The following RIT2 variants were observed in gnomAD, a reference collection of about 807,000 sequenced individuals.
The protein encoded by RIT2 is GTP-binding protein Rit2.
Under a neutral mutation model 23.7 loss-of-function variants are expected in RIT2, and 24 were observed. The ratio of observed to expected loss-of-function variants is 1.01; its 90% CI spans 0.73 to 1.43. The LOEUF is 1.43. Ranked by LOEUF, RIT2 falls within the 40% of genes most tolerant of loss-of-function variation. The probability of loss-of-function intolerance (pLI) is 0.00; values close to 1 mark genes in which losing one functional copy is unlikely to be tolerated. For missense variants in RIT2, 236 were observed against 266.9 expected, an observed-to-expected ratio of 0.88 and a Z score of 0.81; for synonymous variants, 107 against 91.1, an observed-to-expected ratio of 1.17 and a Z score of -0.99.
intron 3 of RIT2, among the ~76,000 whole-genome samples, chr18:42,955,277 C>A (rs1011974562): frequency 2.0e-5 from 3 of 152,108 alleles, no homozygotes; most frequent in African/African-American, 4.8e-5. Flanking sequence ...AGAGCAGACA[C>A]CAGAGAGTCC....
At chr18:42,969,817 TTA>T (rs1352963046) in intron 3 of RIT2, among the ~76,000 whole-genome samples, 1 of 152,122 alleles carries the variant, frequency 6.6e-6, no homozygotes, top group African/African-American at 2.4e-5. Context: ...TTAAAATACT[TTA>T]TCTTTAATTT....
At chr18:42,792,207 T>G (rs530656617) in intron 4 of RIT2, among the ~76,000 whole-genome samples, 12 of 152,296 alleles carry the variant, frequency 7.9e-5, no homozygotes, top group Admixed American at 7.8e-4. Context: ...CTCAATGAAT[T>G]TATCTCCCCC....
chr18:43,057,102 TG>T (rs1912521612), intron 1 of RIT2, among the ~76,000 whole-genome samples: 1 of 151,670 alleles, frequency 6.6e-6, no homozygotes, highest in Non-Finnish European at 1.5e-5. Flanking sequence ...GGAGACTGTT[TG>T]TAGATATAGA....
At chr18:43,028,313 A>G (rs1245247659) in intron 2 of RIT2, among the ~76,000 whole-genome samples, 1 of 152,048 alleles carries the variant, frequency 6.6e-6, no homozygotes, top group Admixed American at 6.6e-5. Flanking sequence ...CTTGTTATGT[A>G]AAGAGCAGAA....
chr18:42,995,343 C>T (rs1268642557), intron 2 of RIT2, among the ~76,000 whole-genome samples: 1 of 152,008 alleles, frequency 6.6e-6, no homozygotes, highest in Non-Finnish European at 1.5e-5. Flanking sequence ...TAGCTTTACT[C>T]AACATGCCCT....
intron 4 of RIT2, among the ~76,000 whole-genome samples, chr18:42,915,540 A>G (rs1598712938): frequency 6.6e-6 from 1 of 152,166 alleles, no homozygotes; most frequent in South Asian, 2.1e-4. Flanking sequence ...TCAATTTTAC[A>G]AATGCAGTCA....
In RIT2 at chr18:43,115,641, T is replaced by C. The variant is rs1568086845; in HGVS notation, c.-122A>G. 1 of 1,372,986 alleles carries C rather than the reference T, an allele frequency of 7.3e-7. No homozygotes were observed. The highest frequency in any genetic ancestry group is 2.7e-5 in the East Asian group (1 of 36,598). The allele number at this position is 1,372,986 out of a possible 1,614,324, so 85.1% of individuals were successfully genotyped here. ...AGGTTTTAGTACGAGGTAAGAACCATCAGCGTCGGGCTGGCTGCTGGTCCT... is the reference window on the plus strand; with the variant it reads ...AGGTTTTAGTACGAGGTAAGAACCACCAGCGTCGGGCTGGCTGCTGGTCCT... On this transcript the variant is annotated 5_prime_UTR_variant, in exon 1 of 5. It removes an upstream start codon present in the reference 5' UTR. Coordinates refer to ENST00000326695, the MANE Select transcript of RIT2 (RefSeq NM_002930.4).
chr18:42,774,662 C>T (rs1251222522), intron 4 of RIT2, among the ~76,000 whole-genome samples: 1 of 150,162 alleles, frequency 6.7e-6, no homozygotes, highest in East Asian at 2.0e-4. Flanking sequence ...TAATTTGACA[C>T]CATGGAGAGA....
intron 2 of RIT2, among the ~76,000 whole-genome samples, chr18:43,032,876 A>ATC (rs1048544391): frequency 2.0e-5 from 3 of 152,248 alleles, no homozygotes; most frequent in African/African-American, 7.2e-5. Context: ...ATCAAGTAGG[A>ATC]TCTTGAATTA....
intron 1 of RIT2, among the ~76,000 whole-genome samples, chr18:43,113,405 T>C (rs1913997114): frequency 6.6e-6 from 1 of 152,186 alleles, no homozygotes; most frequent in Non-Finnish European, 1.5e-5. Flanking sequence ...AATGAGCTGG[T>C]CATTCCTGTC....
At chr18:43,057,815 T>A (rs1000177919) in intron 1 of RIT2, among the ~76,000 whole-genome samples, 3 of 150,542 alleles carry the variant, frequency 2.0e-5, no homozygotes, top group South Asian at 2.1e-4. Flanking sequence ...TTTTTTTTTT[T>A]ATCATCTAAG....
At chr18:42,882,382 G>A (rs543079862) in intron 4 of RIT2, among the ~76,000 whole-genome samples, 1 of 152,142 alleles carries the variant, frequency 6.6e-6, no homozygotes, top group Non-Finnish European at 1.5e-5. Context: ...TTAAAAATAA[G>A]TCATCCTTGT....
intron 1 of RIT2, among the ~76,000 whole-genome samples, chr18:43,095,208 T>G (rs544088166): frequency 2.6e-5 from 4 of 152,116 alleles, no homozygotes; most frequent in African/African-American, 9.6e-5. Flanking sequence ...TTTCTCCACA[T>G]CCTCTACAGC....
chr18:42,759,889 C>T (rs529770923), intron 4 of RIT2, among the ~76,000 whole-genome samples: 113 of 151,934 alleles, frequency 7.4e-4, no homozygotes, highest in Admixed American at 2.6e-3. Flanking sequence ...ATGATTCTCC[C>T]GCCTCAGCTT....
chr18:42,907,720 C>A (rs1676666447), intron 4 of RIT2, among the ~76,000 whole-genome samples: 2 of 150,382 alleles, frequency 1.3e-5, no homozygotes, highest in Non-Finnish European at 3.0e-5. Context: ...GTGGCTCATG[C>A]CTGAAATTCC....
At position 42,910,796 on chromosome 18, in the gene RIT2, C is replaced by T. The variant is rs77564030; in HGVS notation, c.426+12776G>A. Among the ~76,000 whole-genome samples, 919 of 151,978 alleles carry T rather than the reference C, an allele frequency of 6.0e-3. 9 individuals carry two copies. The highest frequency in any genetic ancestry group is 0.021 in the African/African-American group (883 of 41,460). ...TCCTAAATGTGTTTGGACCAAACAA[C>T]GGAACTTCAAAATACATAGAGCAAA... is the stretch of plus-strand genomic sequence containing the variant. On this transcript the variant is annotated intron_variant, in intron 4 of 4. Coordinates refer to ENST00000326695, the MANE Select transcript of RIT2 (RefSeq NM_002930.4).
At chr18:42,777,163 T>C (rs1321584448) in intron 4 of RIT2, among the ~76,000 whole-genome samples, 1 of 151,826 alleles carries the variant, frequency 6.6e-6, no homozygotes, top group Non-Finnish European at 1.5e-5. Flanking sequence ...AACATAAAAA[T>C]TTGGGGGCAG....
chr18:42,987,880 T>C (rs1910749879), intron 2 of RIT2, among the ~76,000 whole-genome samples: 1 of 152,060 alleles, frequency 6.6e-6, no homozygotes, highest in Non-Finnish European at 1.5e-5. Context: ...GAGGGCAGGC[T>C]CTTTTCAGCA....
At chr18:42,763,963 T>C (rs942305996) in intron 4 of RIT2, among the ~76,000 whole-genome samples, 2 of 152,246 alleles carry the variant, frequency 1.3e-5, no homozygotes, top group East Asian at 1.9e-4. Context: ...TATAATCTTA[T>C]GGGACCACCA....
Sources: gnomAD v4.1 joint callset for allele counts (sites outside exome capture counted in the v4.1 genomes callset) on GRCh38, gnomAD v4.1.1 for gene constraint, MANE v1.5 for transcripts, NCBI Gene and HGNC (gene_info 2026-07-23, HGNC 2026-07-21) for gene names.